COL24A1: variants seen among roughly 807,000 people sequenced by gnomAD.
The protein encoded by COL24A1 is collagen alpha-1(XXIV) chain.
Under a neutral mutation model 253.9 loss-of-function variants are expected in COL24A1, and 224 were observed. The ratio of observed to expected loss-of-function variants is 0.88; its 90% CI spans 0.79 to 0.99. The LOEUF (loss-of-function observed/expected upper bound fraction) is 0.99. Among genes scored for constraint, COL24A1 ranks in the 50% least tolerant of loss-of-function variants. COL24A1 has a pLI of 0.00. For missense variants in COL24A1, 2,131 were observed against 2,068.5 expected, an observed-to-expected ratio of 1.03 and a Z score of -0.59; for synonymous variants, 685 against 673.7, an observed-to-expected ratio of 1.02 and a Z score of -0.26.
At chr1:85,848,326 T>C (rs1394801613) in intron 38 of COL24A1, among the ~76,000 whole-genome samples, 1 of 152,216 alleles carries the variant, frequency 6.6e-6, no homozygotes, top group African/African-American at 2.4e-5. Flanking sequence ...GTTGTTTTTT[T>C]TGAGACCAAG....
intron 37 of COL24A1, among the ~76,000 whole-genome samples, chr1:85,859,100 C>A (rs1489990523): frequency 6.6e-6 from 1 of 152,144 alleles, no homozygotes; most frequent in African/African-American, 2.4e-5. Context: ...TGTCTTCCCA[C>A]ATTAGAATAC....
intron 5 of COL24A1, among the ~76,000 whole-genome samples, chr1:86,098,661 C>T (rs1468877540): frequency 1.3e-5 from 2 of 152,124 alleles, no homozygotes; most frequent in African/African-American, 4.8e-5. Flanking sequence ...GACTGAGACT[C>T]ACACCAAGAG....
At chr1:86,097,929 A>G (rs905266480) in intron 5 of COL24A1, among the ~76,000 whole-genome samples, 3 of 152,128 alleles carry the variant, frequency 2.0e-5, no homozygotes, top group African/African-American at 7.2e-5. Flanking sequence ...TATGTCCAAG[A>G]AAGAGCTCTT....
intron 53 of COL24A1, among the ~76,000 whole-genome samples, chr1:85,775,012 C>T (rs895407751): frequency 2.6e-4 from 39 of 152,176 alleles, no homozygotes; most frequent in African/African-American, 9.2e-4. Flanking sequence ...GCATTTAGTG[C>T]TATAAATTTC....
At chr1:85,747,524 T>C (rs1665372820) in intron 55 of COL24A1, among the ~76,000 whole-genome samples, 1 of 152,146 alleles carries the variant, frequency 6.6e-6, no homozygotes, top group African/African-American at 2.4e-5. Flanking sequence ...AATATTTTTA[T>C]AAAAATTAAC....
chr1:86,132,787 A>G (rs4457611), intron 2 of COL24A1, among the ~76,000 whole-genome samples: 146,357 of 152,154 alleles, frequency 0.96, 70,558 homozygotes, highest in Non-Finnish European at 1. Flanking sequence ...TATAGTTTGA[A>G]GTCAGGTAGT....
chr1:86,097,200 C>T (rs1703958225), intron 5 of COL24A1, among the ~76,000 whole-genome samples: 1 of 152,084 alleles, frequency 6.6e-6, no homozygotes, highest in Non-Finnish European at 1.5e-5. Flanking sequence ...ATGCTATTCC[C>T]TTTTAGAGTG....
intron 23 of COL24A1, among the ~76,000 whole-genome samples, chr1:85,964,184 A>T (rs548799774): frequency 6.6e-6 from 1 of 152,228 alleles, no homozygotes; most frequent in East Asian, 1.9e-4. Context: ...TCATAGTTAA[A>T]TTTTCAATTT....
At chr1:85,891,168 G>T (rs113094868) in intron 31 of COL24A1, among the ~76,000 whole-genome samples, 4 of 150,128 alleles carry the variant, frequency 2.7e-5, no homozygotes, top group African/African-American at 9.8e-5. Context: ...CTCCTGCCTC[G>T]GCCTCCCGAG....
chr1:86,046,406 C>G (rs1047969810), intron 12 of COL24A1, among the ~76,000 whole-genome samples: 2 of 152,048 alleles, frequency 1.3e-5, no homozygotes, highest in African/African-American at 2.4e-5. Context: ...ATATGAGAAG[C>G]TGTTGCAAAC....
chr1:85,893,276 G>T (rs918411187), intron 31 of COL24A1, among the ~76,000 whole-genome samples: 12 of 145,442 alleles, frequency 8.3e-5, no homozygotes, highest in African/African-American at 2.9e-4. Flanking sequence ...TATTACCAGA[G>T]ATAAACAAGA....
intron 5 of COL24A1, among the ~76,000 whole-genome samples, chr1:86,110,617 C>T (rs1156418101): frequency 6.6e-6 from 1 of 151,988 alleles, no homozygotes; most frequent in South Asian, 2.1e-4. Context: ...GCGCGAGTTC[C>T]GGGTGGGCAC....
chr1:86,036,224 T>G (rs192087579), intron 12 of COL24A1, among the ~76,000 whole-genome samples: 32 of 152,100 alleles, frequency 2.1e-4, no homozygotes, highest in Admixed American at 2.0e-3. Context: ...CAGCTTCAAG[T>G]GATACCTCCT....
chr1:85,838,592 C>T lies in COL24A1; in HGVS notation c.3674G>A (p.Gly1225Glu). The change falls in exon 43 of 60, where the codon GGA (glycine) becomes GAA (glutamate). Residue 1225 changes from glycine to glutamate, a missense_variant. Physicochemically the swap from Gly to Glu is moderately conservative, Grantham distance 98. Transcript: ENST00000370571. ...GGTATAACTTGCAATTACCTTATAT[C>T]CCTCTGCTCCAGGCTCTCCTCTCTC... ...QGERGEPGAE[G>E]YKGHVGVPGL... The T allele has an allele frequency of 1.9e-6, 3 of 1,613,736 alleles. No homozygotes were observed. The highest frequency in any genetic ancestry group is 2.5e-6 in the Non-Finnish European group (3 of 1,179,670).
At chr1:85,865,404 AAAG>A (rs1679670018) in intron 37 of COL24A1, among the ~76,000 whole-genome samples, 1 of 152,194 alleles carries the variant, frequency 6.6e-6, no homozygotes, top group Non-Finnish European at 1.5e-5. Context: ...AGAACAACAA[AAAG>A]AATAAAAAAA....
chr1:86,127,755 T>C (rs1251054301), intron 2 of COL24A1, among the ~76,000 whole-genome samples: 1 of 152,114 alleles, frequency 6.6e-6, no homozygotes, highest in Non-Finnish European at 1.5e-5. Context: ...AATTAGTAGA[T>C]ATTTGATAAT....
chr1:85,824,933 ATT>A (rs1415698513), intron 43 of COL24A1, among the ~76,000 whole-genome samples: 2 of 142,984 alleles, frequency 1.4e-5, no homozygotes, highest in Non-Finnish European at 3.0e-5. Flanking sequence ...TATTATTATT[ATT>A]ATTATACTTG....
Position 86,126,222 on chromosome 1 carries a change from T to C in COL24A1, c.122-8A>G, listed in dbSNP as rs939344903. On this transcript the variant is annotated splice_region_variant and splice_polypyrimidine_tract_variant and intron_variant, in intron 2 of 59. Coordinates refer to ENST00000370571, the MANE Select transcript of COL24A1 (RefSeq NM_152890.7). Reference sequence around the variant, plus strand: ...GATGAAGAATATCTATGCCTGGAAATTTAAAAAAGAGAGAGAGAAAGAATC... The same window carrying C: ...GATGAAGAATATCTATGCCTGGAAACTTAAAAAAGAGAGAGAGAAAGAATC... 8.3e-6 allele frequency: 13 copies of C among 1,559,580 alleles called. No homozygotes were observed. Among genetic ancestry groups the C allele is most frequent in the Non-Finnish European group, 1.1e-5 (13 of 1,162,694 alleles).
At chr1:85,850,221 T>C (rs555748144) in intron 37 of COL24A1, among the ~76,000 whole-genome samples, 1 of 152,150 alleles carries the variant, frequency 6.6e-6, no homozygotes, top group Non-Finnish European at 1.5e-5. Context: ...GTAAGCCAGG[T>C]TGCAAGTTCT....
Sources: gnomAD v4.1 joint callset for allele counts (sites outside exome capture counted in the v4.1 genomes callset) on GRCh38, gnomAD v4.1.1 for gene constraint, MANE v1.5 for transcripts, NCBI Gene and HGNC (gene_info 2026-07-23, HGNC 2026-07-21) for gene names.